The following PACS1 variants were observed in gnomAD, a reference collection of about 807,000 sequenced individuals.
PACS1 encodes phosphofurin acidic cluster sorting protein 1, also known as PACS-1.
A neutral mutation model predicts 115.0 loss-of-function variants in PACS1; 24 were observed. That is an observed-to-expected ratio of 0.21 (90% CI 0.15 to 0.29). The LOEUF (loss-of-function observed/expected upper bound fraction) is 0.29. PACS1 is among the 10% of genes least tolerant of loss of function. The probability of loss-of-function intolerance (pLI) is 1.00; values close to 1 mark genes in which losing one functional copy is unlikely to be tolerated. For missense variants in PACS1, 838 were observed against 1,251.2 expected, an observed-to-expected ratio of 0.67 and a Z score of 4.98; for synonymous variants, 453 against 504.5, an observed-to-expected ratio of 0.90 and a Z score of 1.37.
intron 21 of PACS1, 79 bp downstream of exon 21, chr11:66,239,356 C>T: frequency 2.0e-6 from 3 of 1,508,558 alleles, no homozygotes. Flanking sequence ...GGCGCATGGG[C>T]TTAGAAGGTA....
At chr11:66,226,096 C>T (rs1487420887) in intron 10 of PACS1, among the ~76,000 whole-genome samples, 3 of 152,134 alleles carry the variant, frequency 2.0e-5, no homozygotes, top group South Asian at 2.1e-4. Context: ...CACTTGAACC[C>T]GGGAGGCAGA....
chr11:66,174,098 T>A (rs866987444), intron 1 of PACS1, among the ~76,000 whole-genome samples: 29 of 150,090 alleles, frequency 1.9e-4, no homozygotes, highest in Non-Finnish European at 2.4e-4. Flanking sequence ...CCAAAGAAGA[T>A]ATGCCAAATA....
chr11:66,151,376 C>A (rs1442651117), intron 1 of PACS1, among the ~76,000 whole-genome samples: 1 of 152,078 alleles, frequency 6.6e-6, no homozygotes. Flanking sequence ...GCCCAAGCAG[C>A]TGAAAACTTA....
At chr11:66,144,322 A>G (rs1449579689) in intron 1 of PACS1, among the ~76,000 whole-genome samples, 8 of 152,216 alleles carry the variant, frequency 5.3e-5, no homozygotes, top group Non-Finnish European at 1.5e-5. Context: ...TTTCTATAAC[A>G]AAAAGGAAAT....
chr11:66,193,554 T>C lies in PACS1; in HGVS notation c.425T>C (p.Val142Ala). The part of the protein sequence containing the change: ...KEMDKDLNSV[V>A]IAVKLQGSKR... ...ATGGACAAAGATCTTAACTCAGTGG[T>C]CATCGCTGTGAAGCTGCAGGTGAGT... The change falls in exon 2 of 24, where the codon GTC (valine) becomes GCC (alanine). Residue 142 changes from valine (V) to alanine (A), a missense_variant. Physicochemically the swap from Val to Ala is moderately conservative, Grantham distance 64 (BLOSUM62 0). Coordinates refer to ENST00000320580, the MANE Select transcript of PACS1 (RefSeq NM_018026.4). 6.2e-7 allele frequency: 1 copy of C among 1,613,414 alleles called. No homozygotes were observed. Among genetic ancestry groups the C allele is most frequent in the Non-Finnish European group, 8.5e-7 (1 of 1,179,384 alleles).
In PACS1 at chr11:66,241,622, G is replaced by T; in HGVS notation, c.2625G>T (p.Met875Ile). 2.5e-6 allele frequency: 4 copies of T among 1,614,056 alleles called. No individual in the cohort carries two copies. The highest frequency in any genetic ancestry group is 1.1e-5 in the South Asian group (1 of 91,040). Reference protein sequence around the residue: ...GEAQLSGTMAMTVVTKEKNKK... With the variant: ...GEAQLSGTMAITVVTKEKNKK... ...CCCAGCTTTCTGGCACCATGGCCAT[G>T]ACTGTGGTCACCAAAGAAAAGAACA... The change falls in exon 22 of 24, where the codon ATG becomes ATT. Residue 875 changes from methionine (M) to isoleucine (I), a missense_variant. Physicochemically the swap from Met to Ile is conservative, Grantham distance 10. Around this residue, in one of 6 missense-constraint regions of PACS1, gnomAD observed 84 missense variants for 187.1 expected, o/e 0.45. Transcript: ENST00000320580.
intron 1 of PACS1, among the ~76,000 whole-genome samples, chr11:66,148,145 T>A (rs565402404): frequency 1.3e-5 from 2 of 152,270 alleles, no homozygotes; most frequent in South Asian, 2.1e-4. Flanking sequence ...ATGTACTTTT[T>A]AAAAATTAAT....
chr11:66,189,547 T>C (rs1163877951), intron 1 of PACS1, among the ~76,000 whole-genome samples: 1 of 152,200 alleles, frequency 6.6e-6, no homozygotes, highest in African/African-American at 2.4e-5. Context: ...ATTGTTTGCT[T>C]TTCCCGCTGC....
At chr11:66,156,235 TATATATATATATATATATA>T (rs1859354545) in intron 1 of PACS1, among the ~76,000 whole-genome samples, 1 of 105,660 alleles carries the variant, frequency 9.5e-6, no homozygotes, top group Non-Finnish European at 1.7e-5. Context: ...TATATATATA[TATATATATATATATATATA>T]GTTTTTTTTT....
At chr11:66,113,776 ATACTT>A (rs1858240102) in intron 1 of PACS1, among the ~76,000 whole-genome samples, 1 of 152,218 alleles carries the variant, frequency 6.6e-6, no homozygotes, top group Non-Finnish European at 1.5e-5. Context: ...TGACATTAAT[ATACTT>A]TATTTAGTAT....
chr11:66,101,022 C>A, intron 1 of PACS1: 1 of 385,912 alleles, frequency 2.6e-6, no homozygotes, highest in Non-Finnish European at 5.2e-6. Context: ...CTAAAGCCAG[C>A]CATATTCAGG....
intron 1 of PACS1, among the ~76,000 whole-genome samples, chr11:66,080,663 C>T (rs1289544132): frequency 6.6e-6 from 1 of 152,142 alleles, no homozygotes; most frequent in East Asian, 1.9e-4. Context: ...TCATGATTGC[C>T]AGACACCAGA....
At chr11:66,157,848 A>G (rs574974224) in intron 1 of PACS1, among the ~76,000 whole-genome samples, 14 of 45,694 alleles carry the variant, frequency 3.1e-4, no homozygotes, top group Admixed American at 9.6e-4. Context: ...AGCCTATGGG[A>G]AAAAAAAAAA....
At chr11:66,084,930 C>G (rs1168126210) in intron 1 of PACS1, among the ~76,000 whole-genome samples, 1 of 151,976 alleles carries the variant, frequency 6.6e-6, no homozygotes, top group Non-Finnish European at 1.5e-5. Context: ...TTTTAAAAAC[C>G]TGGATGAGTT....
intron 2 of PACS1, among the ~76,000 whole-genome samples, chr11:66,209,921 A>G (rs1565148075): frequency 1.4e-5 from 2 of 148,036 alleles, no homozygotes; most frequent in Non-Finnish European, 3.0e-5. Flanking sequence ...ATAAAATTTA[A>G]TTTTTTTTTT....
intron 1 of PACS1, among the ~76,000 whole-genome samples, chr11:66,148,639 A>C (rs1859174612): frequency 6.6e-6 from 1 of 152,180 alleles, no homozygotes; most frequent in African/African-American, 2.4e-5. Flanking sequence ...AAAGGAATGA[A>C]GTCAGGCCGG....
chr11:66,171,030 G>A (rs1448959976), intron 1 of PACS1, among the ~76,000 whole-genome samples: 1 of 150,142 alleles, frequency 6.7e-6, no homozygotes, highest in Non-Finnish European at 1.5e-5. Flanking sequence ...GTGGGGTTCC[G>A]GATTTCATGT....
intron 1 of PACS1, among the ~76,000 whole-genome samples, chr11:66,105,913 G>A (rs1281484511): frequency 6.6e-6 from 1 of 152,150 alleles, no homozygotes; most frequent in Non-Finnish European, 1.5e-5. Flanking sequence ...TTAGATAAAA[G>A]CCTTTTTATT....
intron 1 of PACS1, among the ~76,000 whole-genome samples, chr11:66,172,481 A>T (rs1296171796): frequency 6.6e-6 from 1 of 152,166 alleles, no homozygotes; most frequent in Non-Finnish European, 1.5e-5. Context: ...GGAAGATTCC[A>T]TGTGGAGAGG....
Sources: allele counts gnomAD v4.1 joint callset (sites outside exome capture counted in the v4.1 genomes callset), GRCh38; gene constraint gnomAD v4.1.1; regional missense constraint gnomAD v4.1.1; transcripts MANE v1.5; gene names NCBI Gene and HGNC (gene_info 2026-07-23, HGNC 2026-07-21).